Variants in KLF12 observed in about 807,000 individuals in gnomAD.
KLF12 encodes the protein Krueppel-like factor 12.
Under a neutral mutation model 37.8 loss-of-function variants are expected in KLF12, and 9 were observed. The ratio of observed to expected loss-of-function variants is 0.24; its 90% CI spans 0.14 to 0.42. The LOEUF (loss-of-function observed/expected upper bound fraction) is 0.42, where lower values mean the gene tolerates loss of function less well. Among genes scored for constraint, KLF12 ranks in the 10% least tolerant of loss-of-function variants. The pLI, the probability that KLF12 is intolerant of heterozygous loss-of-function variation, is 1.00. For missense variants in KLF12, 411 were observed against 516.0 expected (o/e 0.80, Z 1.97); for synonymous variants, 208 against 202.1 (o/e 1.03, Z -0.25).
rs994486737 is a variant in KLF12 at position 73,893,445 on chromosome 13, G to A, written c.124-47072C>T. On this transcript the variant is annotated intron_variant, in intron 3 of 7. Transcript: ENST00000377669. ...CGCCCAGGCTAGAGTGCAGTGGCGC[G>A]ATCTCCACTTACCACAACCTCCGCC... 7.9e-5 allele frequency among the ~76,000 whole-genome samples: 11 copies of A among 140,104 alleles called. 1 individual carries two copies. Among genetic ancestry groups the A allele is most frequent in the Admixed American group, 3.9e-4 (5 of 12,972 alleles). 91.9% of individuals were successfully genotyped at this position (140,104 alleles called of 152,430 possible). A position where few individuals can be genotyped will look rare whatever the true frequency, so the allele number is the denominator to read the frequency against.
chr13:73,774,761 T>C (rs1487048401), intron 5 of KLF12, among the ~76,000 whole-genome samples: 1 of 152,142 alleles, frequency 6.6e-6, no homozygotes, highest in African/African-American at 2.4e-5. Flanking sequence ...ATATAAGCAA[T>C]ACAGATCTAT....
intron 3 of KLF12, among the ~76,000 whole-genome samples, chr13:73,938,102 C>T (rs1225320467): frequency 6.6e-6 from 1 of 152,142 alleles, no homozygotes; most frequent in East Asian, 1.9e-4. Context: ...AAACGCTGGC[C>T]CCTGTTCCAC....
the KLF12 span, among the ~76,000 whole-genome samples, chr13:74,204,855 G>T: frequency 1.3e-5 from 2 of 152,096 alleles, no homozygotes; most frequent in Non-Finnish European, 2.9e-5. Context: ...GGGTTGTATA[G>T]CATCTTCCTA....
At chr13:73,874,091 C>G (rs1007910053) in intron 3 of KLF12, among the ~76,000 whole-genome samples, 2 of 152,166 alleles carry the variant, frequency 1.3e-5, no homozygotes, top group African/African-American at 2.4e-5. Flanking sequence ...TCAAATGCAG[C>G]CTTCGGAGCT....
chr13:74,018,532 A>G (rs1892760178), intron 1 of KLF12, among the ~76,000 whole-genome samples: 1 of 152,222 alleles, frequency 6.6e-6, no homozygotes, highest in Admixed American at 6.5e-5. Flanking sequence ...TATGTACTTC[A>G]AAACATCATG....
chr13:73,948,039 T>C (rs1021295709), intron 2 of KLF12, among the ~76,000 whole-genome samples: 1 of 152,268 alleles, frequency 6.6e-6, no homozygotes, highest in East Asian at 1.9e-4. Flanking sequence ...TCTTTGTAAA[T>C]ACAGGAAATA....
chr13:74,022,003 G>A (rs901844818), intron 1 of KLF12, among the ~76,000 whole-genome samples: 1 of 152,098 alleles, frequency 6.6e-6, no homozygotes, highest in Non-Finnish European at 1.5e-5. Context: ...ACAAAGCAAG[G>A]AAATGAGTGC....
chr13:73,797,519 C>T (rs934711937), intron 5 of KLF12, among the ~76,000 whole-genome samples: 1 of 152,136 alleles, frequency 6.6e-6, no homozygotes, highest in Non-Finnish European at 1.5e-5. Flanking sequence ...CCTATAATCC[C>T]AGCATTTTGG....
In KLF12 at chr13:73,691,868, C is replaced by T. The variant is rs958202205; in HGVS notation, c.*3622G>A. ...AGAATTGTATAAAAATGAACACAAT[C>T]TTTGCATAAGCTATTCCAAATCTGA... On this transcript the variant is annotated 3_prime_UTR_variant, in exon 8 of 8. Coordinates refer to ENST00000377669, the MANE Select transcript of KLF12 (RefSeq NM_007249.5). The T allele has an allele frequency of 6.6e-6, 1 of 152,592 alleles. No homozygotes were observed. Among genetic ancestry groups the T allele is most frequent in the African/African-American group, 2.4e-5 (1 of 41,448 alleles). 9.5% of individuals were successfully genotyped at this position (152,592 alleles called of 1,614,324 possible).
chr13:73,859,258 G>T (rs958642029), intron 3 of KLF12, among the ~76,000 whole-genome samples: 7 of 152,176 alleles, frequency 4.6e-5, no homozygotes, highest in African/African-American at 1.4e-4. Flanking sequence ...GGGAGCAGGG[G>T]CAGGCAAGAG....
At chr13:73,759,142 A>G (rs1594057455) in intron 6 of KLF12, among the ~76,000 whole-genome samples, 2 of 152,288 alleles carry the variant, frequency 1.3e-5, no homozygotes, top group East Asian at 3.9e-4. Flanking sequence ...GATGACATCA[A>G]CTATGGCCCA....
chr13:74,075,376 G>A (rs545169258), intron 1 of KLF12, among the ~76,000 whole-genome samples: 231 of 152,304 alleles, frequency 1.5e-3, no homozygotes, highest in Non-Finnish European at 2.4e-3. Flanking sequence ...CTGATAGCAA[G>A]AATGTAAAGC....
chr13:73,697,823 T>G (rs751866534), intron 7 of KLF12, among the ~76,000 whole-genome samples: 1 of 152,306 alleles, frequency 6.6e-6, no homozygotes, highest in Non-Finnish European at 1.5e-5. Flanking sequence ...TTGTGTAGTA[T>G]AGAAGGACGT....
chr13:74,110,501 C>T (rs984205325), intron 1 of KLF12, among the ~76,000 whole-genome samples: 3 of 152,198 alleles, frequency 2.0e-5, no homozygotes, highest in Non-Finnish European at 4.4e-5. Context: ...TACTATCTTA[C>T]TGGCCTTTCT....
chr13:73,906,468 T>C lies in KLF12; in HGVS notation c.123+37513A>G, dbSNP rs371578140. On this transcript the variant is annotated intron_variant, in intron 3 of 7. Transcript: ENST00000377669. ...CCTGCCTCTTAATCTATTCCATTTT[T>C]TTATTTCTACAATATTTCCCATTTT... is the stretch of plus-strand genomic sequence containing the variant. Among the ~76,000 whole-genome samples, 18 of 152,326 alleles carry C rather than the reference T, an allele frequency of 1.2e-4. No homozygotes were observed. In the East Asian group the frequency reaches 3.1e-3, roughly 26 times the overall value.
intron 4 of KLF12, among the ~76,000 whole-genome samples, chr13:73,836,817 GTAGATTACAT>G (rs1243113562): frequency 6.6e-6 from 1 of 152,116 alleles, no homozygotes; most frequent in Non-Finnish European, 1.5e-5. Context: ...AAGTAAATAT[GTAGATTACAT>G]TAGAATACTT....
intron 5 of KLF12, among the ~76,000 whole-genome samples, chr13:73,798,004 C>A (rs1882088163): frequency 6.6e-6 from 1 of 152,054 alleles, no homozygotes. Context: ...TCCCTTTAAA[C>A]CATTATATTG....
At chr13:74,131,058 A>G (rs1204243387) in intron 1 of KLF12, among the ~76,000 whole-genome samples, 1 of 152,212 alleles carries the variant, frequency 6.6e-6, no homozygotes, top group Non-Finnish European at 1.5e-5. Context: ...TAGATTAACC[A>G]ACACTGGCTT....
At chr13:74,241,523 G>A in the KLF12 span, among the ~76,000 whole-genome samples, 1 of 152,222 alleles carries the variant, frequency 6.6e-6, no homozygotes, top group Non-Finnish European at 1.5e-5. Flanking sequence ...CTGGGCAATG[G>A]CGGGCGCCCC....
Sources: allele counts gnomAD v4.1 joint callset (sites outside exome capture counted in the v4.1 genomes callset), GRCh38; gene constraint gnomAD v4.1.1; transcripts MANE v1.5; gene names NCBI Gene and HGNC (gene_info 2026-07-23, HGNC 2026-07-21).